Variants in DPYSL4 observed in about 807,000 individuals in gnomAD.
The protein encoded by DPYSL4 is dihydropyrimidinase-related protein 4.
A neutral mutation model predicts 63.4 loss-of-function variants in DPYSL4; 43 were observed. The observed-to-expected ratio is 0.68, with a 90% confidence interval of 0.53 to 0.88. The LOEUF is 0.88. Ranked by LOEUF, DPYSL4 falls within the 40% of genes least tolerant of loss-of-function variation. DPYSL4 has a pLI of 0.00. For missense variants in DPYSL4, 733 were observed against 819.5 expected (o/e 0.89, Z 1.29); for synonymous variants, 353 against 331.7 (o/e 1.06, Z -0.70).
At position 132,200,961 on chromosome 10, in the gene DPYSL4, C is replaced by T. The variant is rs1042380134; in HGVS notation, c.1088C>T (p.Ser363Leu). The change falls in exon 10 of 14, where the codon TCG becomes TTG. Residue 363 changes from serine to leucine, a missense_variant. Transcript: ENST00000338492. ...EGTNGIEERM[S>L]MVWEKCVASG... ...ACCAACGGCATTGAGGAGCGCATGTCGATGGTCTGGGAGAAATGTGTGGTG... is the reference window on the plus strand; with the variant it reads ...ACCAACGGCATTGAGGAGCGCATGTTGATGGTCTGGGAGAAATGTGTGGTG... 16 of 1,613,092 alleles carry T rather than the reference C, an allele frequency of 9.9e-6. No homozygotes were observed. The highest frequency in any genetic ancestry group is 1.3e-5 in the African/African-American group (1 of 74,928).
intron 3 of DPYSL4, among the ~76,000 whole-genome samples, chr10:132,194,159 G>T (rs1304155964): frequency 6.6e-6 from 1 of 152,254 alleles, no homozygotes; most frequent in Non-Finnish European, 1.5e-5. Flanking sequence ...CAGGGAGGCT[G>T]GGTGCCCACT....
intron 2 of DPYSL4, chr10:132,192,275 C>G: frequency 1.0e-6 from 1 of 980,162 alleles, no homozygotes. Flanking sequence ...TTTCTTTGTT[C>G]ATCGCAGCAC....
intron 1 of DPYSL4, among the ~76,000 whole-genome samples, chr10:132,189,682 C>T (rs893071901): frequency 2.0e-5 from 3 of 152,182 alleles, no homozygotes; most frequent in African/African-American, 7.2e-5. Context: ...AATCCACTCT[C>T]CTCCCGTCCC....
intron 1 of DPYSL4, among the ~76,000 whole-genome samples, chr10:132,188,019 C>T (rs1565035694): frequency 6.6e-6 from 1 of 152,156 alleles, no homozygotes; most frequent in Admixed American, 6.5e-5. Context: ...TCCACTCCCC[C>T]AGACTCTGAG....
At chr10:132,204,551 G>C (rs1000160771) in intron 13 of DPYSL4, among the ~76,000 whole-genome samples, 12 of 152,174 alleles carry the variant, frequency 7.9e-5, no homozygotes. Flanking sequence ...CCAGAGCAGG[G>C]ACGAGGCAGG....
At position 132,204,959 on chromosome 10, in the gene DPYSL4, C is replaced by G; in HGVS notation, c.*29C>G. ...CCCAGGACCGGCCCTGTGAGCCGTGCTGGCCCCACCCGAGGCCGCGGGGGC... is the reference window on the plus strand; with the variant it reads ...CCCAGGACCGGCCCTGTGAGCCGTGGTGGCCCCACCCGAGGCCGCGGGGGC... On this transcript the variant is annotated 3_prime_UTR_variant, in exon 14 of 14. Transcript: ENST00000338492. The G allele has an allele frequency of 6.4e-7, 1 of 1,567,818 alleles. No individual in the cohort carries two copies. Among genetic ancestry groups the G allele is most frequent in the Non-Finnish European group, 8.6e-7 (1 of 1,156,964 alleles).
chr10:132,194,577 T>C (rs2061916993), intron 3 of DPYSL4, among the ~76,000 whole-genome samples: 1 of 151,244 alleles, frequency 6.6e-6, no homozygotes, highest in South Asian at 2.1e-4. Context: ...GTAGGGATGG[T>C]TTGGGGTGGG....
Position 132,204,516 on chromosome 10 carries a change from G to A in DPYSL4, c.1628-323G>A, listed in dbSNP as rs534394840. 2.6e-5 allele frequency among the ~76,000 whole-genome samples: 4 copies of A among 152,304 alleles called. No homozygotes were observed. The East Asian group carries it at 7.7e-4, about 29-fold the overall frequency. ...GAACCCGGCACTGTCTGGGAGGCCA[G>A]GGGCAGCCTTTCATCACCCGGAACC... On this transcript the variant is annotated intron_variant, in intron 13 of 13. Coordinates refer to ENST00000338492, the MANE Select transcript of DPYSL4 (RefSeq NM_006426.3).
intron 1 of DPYSL4, among the ~76,000 whole-genome samples, chr10:132,189,342 A>G (rs994801669): frequency 2.6e-5 from 4 of 152,244 alleles, no homozygotes; most frequent in Middle Eastern, 3.4e-3. Context: ...CCATTCTCCA[A>G]TGAGGTCAGA....
chr10:132,203,686 CATGCCCCAT>C, intron 12 of DPYSL4, 67 bp from the exon 13 acceptor site: 5 of 1,327,766 alleles, frequency 3.8e-6, no homozygotes, highest in Non-Finnish European at 4.0e-6. Flanking sequence ...CTCAGCCCCT[CATGCCCCAT>C]CTCTGGCCCC....
chr10:132,196,181 G>T (rs867627322), intron 4 of DPYSL4, among the ~76,000 whole-genome samples: 23 of 152,226 alleles, frequency 1.5e-4, no homozygotes, highest in African/African-American at 5.5e-4. Flanking sequence ...TTGAGTGATG[G>T]GAGGTTGGGA....
At chr10:132,187,218 T>A in intron 1 of DPYSL4, 116 bp downstream of exon 1, 2 of 699,172 alleles carry the variant, frequency 2.9e-6, no homozygotes, top group Non-Finnish European at 4.5e-6. Context: ...CCTTTGCGTC[T>A]GGTCCCTGTC....
At chr10:132,201,658 G>A (rs1481855194) in intron 10 of DPYSL4, among the ~76,000 whole-genome samples, 1 of 152,216 alleles carries the variant, frequency 6.6e-6, no homozygotes, top group African/African-American at 2.4e-5. Context: ...GCCGTGGCTG[G>A]AGCCCTGTCC....
In DPYSL4 at chr10:132,187,032, T is replaced by G. The variant is rs2137491141; in HGVS notation, c.-32T>G. 4.1e-6 allele frequency: 1 copy of G among 244,874 alleles called. No homozygotes were observed. 15.2% of individuals were successfully genotyped at this position (244,874 alleles called of 1,614,324 possible). A position where few individuals can be genotyped will look rare whatever the true frequency, so the allele number is the denominator to read the frequency against. On this transcript the variant is annotated 5_prime_UTR_variant, in exon 1 of 14. Coordinates refer to ENST00000338492, the MANE Select transcript of DPYSL4 (RefSeq NM_006426.3). Reference sequence around the variant, plus strand: ...CCGCCCGCCCGCCCGCCCCCGCTTGTGCCGCCCCTACCAGAGACCCCCAGG... The same window carrying G: ...CCGCCCGCCCGCCCGCCCCCGCTTGGGCCGCCCCTACCAGAGACCCCCAGG...
At chr10:132,198,629 G>A in intron 7 of DPYSL4, 146 bp downstream of exon 7, 1 of 1,061,096 alleles carries the variant, frequency 9.4e-7, no homozygotes, top group Admixed American at 2.6e-5. Flanking sequence ...TCCTCCCCGT[G>A]CCAGGCACTT....
In DPYSL4 at chr10:132,196,915, A is replaced by T. The variant is rs375068630; in HGVS notation, c.533A>T (p.Asp178Val). 3.7e-6 allele frequency: 6 copies of T among 1,610,638 alleles called. No individual in the cohort carries two copies. Among genetic ancestry groups the T allele is most frequent in the Non-Finnish European group, 5.1e-6 (6 of 1,178,396 alleles). ...MAYKDRCQCS[D>V]SQMYEIFSII... ...TACAAGGACCGGTGCCAGTGCAGCGACAGCCAGGTAAGGGCAGGCGTGGGG... is the reference window on the plus strand; with the variant it reads ...TACAAGGACCGGTGCCAGTGCAGCGTCAGCCAGGTAAGGGCAGGCGTGGGG... The change falls in exon 5 of 14, where the codon GAC becomes GTC. Residue 178 changes from aspartate (D) to valine (V), a missense_variant. By Grantham distance (152) the Asp-to-Val change is radical. Coordinates refer to ENST00000338492, the MANE Select transcript of DPYSL4 (RefSeq NM_006426.3).
chr10:132,201,174 T>TC (rs1204122114), intron 10 of DPYSL4, among the ~76,000 whole-genome samples, 191 bp downstream of exon 10: 1 of 152,016 alleles, frequency 6.6e-6, no homozygotes, highest in East Asian at 1.9e-4. Flanking sequence ...CAGATGAGAC[T>TC]CCAACAGCAA....
chr10:132,193,969 C>T (rs1309389058), intron 3 of DPYSL4, among the ~76,000 whole-genome samples: 9 of 152,382 alleles, frequency 5.9e-5, no homozygotes, highest in East Asian at 1.9e-4. Flanking sequence ...CTTCAGGGGG[C>T]GGCCCAAGCC....
chr10:132,204,812 C>T, intron 13 of DPYSL4, 27 bp from the exon 14 acceptor site: 1 of 1,583,436 alleles, frequency 6.3e-7, no homozygotes. Context: ...CCTCATTCTC[C>T]CCTGCCCATC....
Sources: allele counts gnomAD v4.1 joint callset (sites outside exome capture counted in the v4.1 genomes callset), GRCh38; gene constraint gnomAD v4.1.1; transcripts MANE v1.5; gene names NCBI Gene and HGNC (gene_info 2026-07-23, HGNC 2026-07-21).